The following SLF1 variants were observed in gnomAD, a reference collection of about 807,000 sequenced individuals.
SLF1 encodes the protein SMC5/6 complex localization factor 1, also known as SMC5-SMC6 complex localization factor protein 1.
In SLF1, 105 loss-of-function variants were observed where a neutral mutation model predicts 123.0. That is an observed-to-expected ratio of 0.85 (90% CI 0.73 to 1.00). SLF1 has a LOEUF of 1.00. Ranked by LOEUF, SLF1 falls within the 50% of genes least tolerant of loss-of-function variation. SLF1 has a pLI of 0.00. For missense variants in SLF1, 1,239 were observed against 1,223.0 expected (o/e 1.01, Z -0.20); for synonymous variants, 434 against 406.6 (o/e 1.07, Z -0.81).
chr5:94,692,297 A>C, intron 20 of SLF1, 41 bp downstream of exon 20: 1 of 1,583,596 alleles, frequency 6.3e-7, no homozygotes, highest in Non-Finnish European at 8.6e-7. Context: ...TAAATTATCC[A>C]GTTTTTTGAT....
At position 94,630,690 on chromosome 5, in the gene SLF1, A is replaced by G. The variant is rs530780571; in HGVS notation, c.378A>G (p.Arg126=). Residue 126 remains arginine (R), a synonymous_variant, in exon 4 of 21, where the codon AGA becomes AGG. Coordinates refer to ENST00000265140, the MANE Select transcript of SLF1 (RefSeq NM_032290.4). ...CTGGTGCTCCAGGAGCCTTCCACAG[A>G]TGGAAAGTTGTCCTCCTTGTTAGAA... ...KRTGAPGAFH[R]WKVVLLVRTD... 1.8e-5 allele frequency: 28 copies of G among 1,551,698 alleles called. No homozygotes were observed. Among genetic ancestry groups the G allele is most frequent in the African/African-American group, 1.2e-4 (9 of 73,178 alleles).
At chr5:94,622,199 T>C (rs184398624) in intron 1 of SLF1, among the ~76,000 whole-genome samples, 2 of 152,372 alleles carry the variant, frequency 1.3e-5, no homozygotes, top group Admixed American at 1.3e-4. Context: ...ATTTGTTTAC[T>C]TTCCCAGTTA....
intron 14 of SLF1, among the ~76,000 whole-genome samples, chr5:94,672,786 G>A (rs887851891): frequency 1.3e-5 from 2 of 151,934 alleles, no homozygotes; most frequent in Non-Finnish European, 2.9e-5. Context: ...GTCTTTATGG[G>A]TCTGTTTCTG....
At chr5:94,651,966 A>G (rs1351172381) in intron 7 of SLF1, 121 bp downstream of exon 7, 1 of 423,092 alleles carries the variant, frequency 2.4e-6, no homozygotes, top group East Asian at 5.0e-5. Context: ...TAGATTAAGA[A>G]ATAGAGCATT....
rs12514838 is a variant in SLF1, at chr5:94,635,479, C to T, written c.431+4736C>T. 2.7e-5 allele frequency among the ~76,000 whole-genome samples: 4 copies of T among 147,770 alleles called. No individual in the cohort carries two copies. In the Admixed American group the frequency reaches 2.8e-4, roughly 10 times the overall value. ...CTGCTGCCATTTTGTAGTTTGTTTT[C>T]CAGTTGATTTGTATATACTGTGTTT... On this transcript the variant is annotated intron_variant, in intron 4 of 20. Transcript: ENST00000265140.
rs1449083473 is a variant in SLF1, at chr5:94,628,924, G to A, written c.114G>A (p.Glu38=). Residue 38 remains glutamate (E), a splice_region_variant and synonymous_variant, in exon 2 of 21, where the codon GAG becomes GAA. Coordinates refer to ENST00000265140, the MANE Select transcript of SLF1 (RefSeq NM_032290.4). Reference sequence around the variant, plus strand: ...TAGATTGCACTTTTATTAAGAGTGAGGTAAGAAACTTATCAAAATGTTCAA... The same window carrying A: ...TAGATTGCACTTTTATTAAGAGTGAAGTAAGAAACTTATCAAAATGTTCAA... ...LKLDCTFIKS[E]KYKNCTHLIA... The A allele has an allele frequency of 1.3e-6, 2 of 1,524,732 alleles. No homozygotes were observed. The highest frequency in any genetic ancestry group is 2.5e-5 in the East Asian group (1 of 40,588). 94.5% of individuals were successfully genotyped at this position (1,524,732 alleles called of 1,614,324 possible).
rs538049515 is a variant in SLF1 at position 94,696,723 on chromosome 5, G to A, written c.*1411G>A. 1 of 151,708 alleles carries A rather than the reference G, an allele frequency of 6.6e-6. No homozygotes were observed. The highest frequency in any genetic ancestry group is 1.5e-5 in the Non-Finnish European group (1 of 67,830). The allele number at this position is 151,708 out of a possible 1,614,324, so 9.4% of individuals were successfully genotyped here. ...AACTAATATAAACTTGTAAACATAG[G>A]CTTTGACATCATACACATTTTCAAA... On this transcript the variant is annotated 3_prime_UTR_variant, in exon 21 of 21. Transcript: ENST00000265140.
chr5:94,670,686 T>C (rs1750337088), intron 13 of SLF1, among the ~76,000 whole-genome samples, 157 bp from the exon 14 acceptor site: 2 of 151,854 alleles, frequency 1.3e-5, no homozygotes, highest in Admixed American at 6.6e-5. Flanking sequence ...ACTGGGGCCA[T>C]TTTTTATATT....
At chr5:94,654,831 A>G in intron 9 of SLF1, 79 bp downstream of exon 9, 1 of 1,038,122 alleles carries the variant, frequency 9.6e-7, no homozygotes, top group Middle Eastern at 3.7e-4. Context: ...ATATATACAT[A>G]TATACATATG....
chr5:94,687,985 T>C (rs1330038052), intron 16 of SLF1, among the ~76,000 whole-genome samples: 1 of 150,406 alleles, frequency 6.6e-6, no homozygotes, highest in Non-Finnish European at 1.5e-5. Context: ...TTATTATTAA[T>C]AAGGCAATAT....
chr5:94,638,189 A>G (rs960713337), intron 4 of SLF1, among the ~76,000 whole-genome samples: 3 of 150,116 alleles, frequency 2.0e-5, no homozygotes, highest in African/African-American at 7.4e-5. Context: ...TTTTTATTTT[A>G]TTTTTTTGAG....
rs1380652864 is a variant in SLF1 at position 94,696,486 on chromosome 5, T to G, written c.*1174T>G. 6.6e-6 allele frequency: 1 copy of G among 151,872 alleles called. No homozygotes were observed. Among genetic ancestry groups the G allele is most frequent in the East Asian group, 1.9e-4 (1 of 5,168 alleles). 9.4% of individuals were successfully genotyped at this position (151,872 alleles called of 1,614,324 possible). A position where few individuals can be genotyped will look rare whatever the true frequency, so the allele number is the denominator to read the frequency against. On this transcript the variant is annotated 3_prime_UTR_variant, in exon 21 of 21. Transcript: ENST00000265140. ...TACTCAGGAAATACTAGTTTCTATT[T>G]AGCCTTCAAATTTGGCATCATACAA...
At chr5:94,672,349 T>G (rs1382072968) in intron 14 of SLF1, among the ~76,000 whole-genome samples, 1 of 152,064 alleles carries the variant, frequency 6.6e-6, no homozygotes, top group African/African-American at 2.4e-5. Context: ...CTCAGATCCA[T>G]TTTCTCTTCT....
chr5:94,691,739 A>T (rs1753071939), intron 19 of SLF1, 83 bp downstream of exon 19: 1 of 1,037,828 alleles, frequency 9.6e-7, no homozygotes, highest in Non-Finnish European at 1.3e-6. Context: ...AAGAAAAATT[A>T]TTTAAGTAAA....
chr5:94,661,524 G>T (rs1749100520), intron 9 of SLF1, among the ~76,000 whole-genome samples: 1 of 150,992 alleles, frequency 6.6e-6, no homozygotes, highest in East Asian at 1.9e-4. Context: ...TTCTTCCAGG[G>T]TTTTTTGTTT....
At chr5:94,649,007 A>G (rs1354909533) in intron 5 of SLF1, among the ~76,000 whole-genome samples, 1 of 152,218 alleles carries the variant, frequency 6.6e-6, no homozygotes, top group Non-Finnish European at 1.5e-5. Context: ...CTATTCAAGT[A>G]AGAGTATTGT....
chr5:94,623,062 A>G (rs1357327026), intron 1 of SLF1, among the ~76,000 whole-genome samples: 1 of 152,148 alleles, frequency 6.6e-6, no homozygotes, highest in African/African-American at 2.4e-5. Flanking sequence ...TTCTTCAAAC[A>G]TGTTCTAGCT....
intron 10 of SLF1, among the ~76,000 whole-genome samples, chr5:94,662,818 T>C (rs908115318): frequency 6.6e-6 from 1 of 152,246 alleles, no homozygotes; most frequent in Admixed American, 6.5e-5. Context: ...AGGCCCTTGT[T>C]TCCTTGTTTA....
intron 12 of SLF1, among the ~76,000 whole-genome samples, chr5:94,667,123 T>C (rs1749858476): frequency 6.6e-6 from 1 of 152,170 alleles, no homozygotes; most frequent in African/African-American, 2.4e-5. Flanking sequence ...AGCTAATCAG[T>C]TAACCAGCAT....
Sources: allele counts gnomAD v4.1 joint callset (sites outside exome capture counted in the v4.1 genomes callset), GRCh38; gene constraint gnomAD v4.1.1; transcripts MANE v1.5; gene names NCBI Gene and HGNC (gene_info 2026-07-23, HGNC 2026-07-21).